NKAIN3: variants seen among roughly 807,000 people sequenced by gnomAD.
NKAIN3 encodes sodium/potassium transporting ATPase interacting 3, also known as sodium/potassium-transporting ATPase subunit beta-1-interacting protein 3.
Under a neutral mutation model 30.2 loss-of-function variants are expected in NKAIN3, and 25 were observed. The ratio of observed to expected loss-of-function variants is 0.83; its 90% CI spans 0.60 to 1.16. NKAIN3 has a LOEUF of 1.16. Ranked by LOEUF, NKAIN3 falls within the 50% of genes most tolerant of loss-of-function variation. NKAIN3 has a pLI of 0.00. For missense variants in NKAIN3, 225 were observed against 254.1 expected, an observed-to-expected ratio of 0.89 and a Z score of 0.78; for synonymous variants, 91 against 89.6, an observed-to-expected ratio of 1.02 and a Z score of -0.09.
intron 1 of NKAIN3, among the ~76,000 whole-genome samples, chr8:62,565,779 G>A (rs534446332): frequency 8.5e-5 from 13 of 152,174 alleles, no homozygotes; most frequent in African/African-American, 2.4e-4. Context: ...ACACTGAACC[G>A]AACCTACTGA....
intron 3 of NKAIN3, among the ~76,000 whole-genome samples, chr8:62,718,476 C>T (rs933827896): frequency 1.3e-5 from 2 of 152,228 alleles, no homozygotes; most frequent in Middle Eastern, 3.4e-3. Flanking sequence ...TTTCAATTCA[C>T]CTTGCTAATT....
intron 1 of NKAIN3, among the ~76,000 whole-genome samples, chr8:62,279,660 G>T (rs1734414350): frequency 6.6e-6 from 1 of 152,068 alleles, no homozygotes; most frequent in Non-Finnish European, 1.5e-5. Context: ...TTTTTCTCAG[G>T]TTTGTCAAAG....
chr8:62,941,966 T>A (rs993618524), intron 5 of NKAIN3, among the ~76,000 whole-genome samples: 1 of 151,908 alleles, frequency 6.6e-6, no homozygotes, highest in African/African-American at 2.4e-5. Flanking sequence ...AAAGAGAAAG[T>A]CAAACTGTCA....
chr8:62,787,977 C>T (rs1484024481), intron 4 of NKAIN3, among the ~76,000 whole-genome samples: 1 of 151,964 alleles, frequency 6.6e-6, no homozygotes, highest in Non-Finnish European at 1.5e-5. Context: ...GTGAATAGTG[C>T]CGCAATAAAC....
chr8:62,659,656 G>A (rs1052794211), intron 3 of NKAIN3, among the ~76,000 whole-genome samples: 1 of 152,102 alleles, frequency 6.6e-6, no homozygotes, highest in African/African-American at 2.4e-5. Flanking sequence ...TGGTTGAAGG[G>A]TGAGAACAGG....
At chr8:62,421,389 C>T (rs1051366062) in intron 1 of NKAIN3, among the ~76,000 whole-genome samples, 2 of 152,116 alleles carry the variant, frequency 1.3e-5, no homozygotes, top group African/African-American at 4.8e-5. Context: ...CCTGAGAACA[C>T]CTGTCTTAAC....
chr8:62,537,588 T>G (rs1808703276), intron 1 of NKAIN3, among the ~76,000 whole-genome samples: 2 of 151,982 alleles, frequency 1.3e-5, no homozygotes, highest in Non-Finnish European at 2.9e-5. Flanking sequence ...TTATTTTGAC[T>G]ATATTACTCC....
chr8:62,518,901 C>G (rs538059934), intron 1 of NKAIN3, among the ~76,000 whole-genome samples: 1 of 152,018 alleles, frequency 6.6e-6, no homozygotes, highest in Non-Finnish European at 1.5e-5. Context: ...TGCCTGGGTC[C>G]CAGTTTTGTT....
intron 3 of NKAIN3, among the ~76,000 whole-genome samples, chr8:62,660,756 A>ACTG (rs201184815): frequency 0.037 from 5,681 of 152,270 alleles, 356 homozygotes; most frequent in African/African-American, 0.13. Context: ...AGTCCACTAA[A>ACTG]TACTAAAACA....
chr8:62,580,906 T>TTATATA (rs71255350), intron 2 of NKAIN3, among the ~76,000 whole-genome samples: 23,178 of 111,754 alleles, frequency 0.21, 2,000 homozygotes, highest in South Asian at 0.31. Flanking sequence ...GCTAGGGTTT[T>TTATATA]TATATATATA....
At chr8:62,767,909 A>C (rs1327608385) in intron 4 of NKAIN3, among the ~76,000 whole-genome samples, 1 of 152,124 alleles carries the variant, frequency 6.6e-6, no homozygotes, top group Non-Finnish European at 1.5e-5. Flanking sequence ...TATATATCTT[A>C]AAAGTCTTTT....
At chr8:62,820,364 G>A (rs2097345451) in intron 4 of NKAIN3, among the ~76,000 whole-genome samples, 1 of 152,170 alleles carries the variant, frequency 6.6e-6, no homozygotes, top group South Asian at 2.1e-4. Flanking sequence ...TAAATGCTTT[G>A]TCTGCAACTA....
chr8:62,540,254 T>G (rs1468759730), intron 1 of NKAIN3, among the ~76,000 whole-genome samples: 1 of 152,204 alleles, frequency 6.6e-6, no homozygotes, highest in African/African-American at 2.4e-5. Context: ...CTTTTTTAGC[T>G]TTATACAATT....
chr8:62,942,980 G>A (rs1166290342), intron 5 of NKAIN3, among the ~76,000 whole-genome samples: 1 of 152,100 alleles, frequency 6.6e-6, no homozygotes, highest in South Asian at 2.1e-4. Flanking sequence ...CTTAGGCAAA[G>A]ACTTCATTAC....
intron 4 of NKAIN3, among the ~76,000 whole-genome samples, chr8:62,881,164 G>C (rs1198270953): frequency 5.9e-5 from 9 of 152,052 alleles, no homozygotes; most frequent in Non-Finnish European, 1.3e-4. Flanking sequence ...ATTTACATTA[G>C]GGTTCACTCT....
At chr8:62,719,607 A>T (rs2130513674) in intron 3 of NKAIN3, among the ~76,000 whole-genome samples, 1 of 152,250 alleles carries the variant, frequency 6.6e-6, no homozygotes, top group East Asian at 1.9e-4. Flanking sequence ...CTCTGAGCAT[A>T]TGGCTTTGTT....
At chr8:62,870,562 C>T (rs2130800907) in intron 4 of NKAIN3, among the ~76,000 whole-genome samples, 1 of 131,042 alleles carries the variant, frequency 7.6e-6, no homozygotes, top group East Asian at 2.1e-4. Flanking sequence ...ACTATATATA[C>T]TATATATACA....
intron 3 of NKAIN3, among the ~76,000 whole-genome samples, chr8:62,727,401 A>T (rs1586134276): frequency 6.6e-6 from 1 of 152,144 alleles, no homozygotes; most frequent in Non-Finnish European, 1.5e-5. Flanking sequence ...GAAAGGAAGA[A>T]ATAAAACTTT....
chr8:62,370,605 GA>G (rs1299221515), intron 1 of NKAIN3, among the ~76,000 whole-genome samples: 13 of 151,878 alleles, frequency 8.6e-5, no homozygotes, highest in Non-Finnish European at 1.8e-4. Context: ...GTTATAAACG[GA>G]AAAATCTTCT....
Sources: allele counts gnomAD v4.1 joint callset (sites outside exome capture counted in the v4.1 genomes callset), GRCh38; gene constraint gnomAD v4.1.1; transcripts MANE v1.5; gene names NCBI Gene and HGNC (gene_info 2026-07-23, HGNC 2026-07-21).